TMPRSS15: variants seen among roughly 807,000 people sequenced by gnomAD.
The protein encoded by TMPRSS15 is enteropeptidase.
In TMPRSS15, 128 loss-of-function variants were observed where a neutral mutation model predicts 125.3. That is an observed-to-expected ratio of 1.02 (90% CI 0.89 to 1.18). TMPRSS15 has a LOEUF of 1.18. Ranked by LOEUF, TMPRSS15 falls within the 50% of genes most tolerant of loss-of-function variation. The pLI is 0.00. For missense variants in TMPRSS15, 1,283 were observed against 1,212.7 expected (o/e 1.06, Z -0.86); for synonymous variants, 446 against 423.2 (o/e 1.05, Z -0.66).
intron 3 of TMPRSS15, among the ~76,000 whole-genome samples, chr21:18,391,784 T>C (rs1365072623): frequency 6.6e-6 from 1 of 152,252 alleles, no homozygotes; most frequent in Non-Finnish European, 1.5e-5. Context: ...AAGTTCTCCA[T>C]GAGAGTTCTG....
At chr21:18,299,474 C>A (rs1209299034) in intron 18 of TMPRSS15, among the ~76,000 whole-genome samples, 1 of 152,170 alleles carries the variant, frequency 6.6e-6, no homozygotes, top group Non-Finnish European at 1.5e-5. Flanking sequence ...GATGCCATTT[C>A]AAATTAAAGA....
At position 18,297,834 on chromosome 21, in the gene TMPRSS15, A is replaced by C. The variant is rs1353843465; in HGVS notation, c.2166-5T>G. On this transcript the variant is annotated splice_polypyrimidine_tract_variant and splice_region_variant and intron_variant, in intron 18 of 24. Transcript: ENST00000284885. ...GGCTTTGATGAGTTTCCACTCCTAG[A>C]GAAAAAAGAAAAAAGCATACAGACA... 6.3e-7 allele frequency: 1 copy of C among 1,582,798 alleles called. No homozygotes were observed. The highest frequency in any genetic ancestry group is 8.7e-7 in the Non-Finnish European group (1 of 1,151,674).
In TMPRSS15 at chr21:18,432,709, C is replaced by T. The variant is rs904919572; in HGVS notation, c.11-34380G>A. ...TAGGGGCTTCAGAGAGACCACAGCCCGGCCCACGTAGATTTTGGATTTCCA... is the reference window on the plus strand; with the variant it reads ...TAGGGGCTTCAGAGAGACCACAGCCTGGCCCACGTAGATTTTGGATTTCCA... On this transcript the variant is annotated intron_variant, in intron 1 of 7. Coordinates refer to the TMPRSS15 transcript ENST00000422787. 8.5e-5 allele frequency among the ~76,000 whole-genome samples: 13 copies of T among 152,180 alleles called. No individual in the cohort carries two copies. The East Asian group carries it at 2.5e-3, about 29-fold the overall frequency.
At chr21:18,405,954 C>G (rs1007213290), upstream of TMPRSS15, among the ~76,000 whole-genome samples, 1 of 152,106 alleles carries the variant, frequency 6.6e-6, no homozygotes, top group African/African-American at 2.4e-5. Context: ...AAATAAAACC[C>G]TAAGCCACAG....
At chr21:18,286,797 C>T (rs1282039388) in intron 21 of TMPRSS15, among the ~76,000 whole-genome samples, 1 of 152,184 alleles carries the variant, frequency 6.6e-6, no homozygotes, top group East Asian at 1.9e-4. Context: ...GAGACCTCTC[C>T]AGGGCTCGAT....
intron 1 of TMPRSS15, among the ~76,000 whole-genome samples, chr21:18,431,470 CT>C (rs1008759260): frequency 7.2e-5 from 11 of 152,100 alleles, no homozygotes; most frequent in Non-Finnish European, 1.3e-4. Context: ...TCCCCTGTTT[CT>C]TTTCTTTCTT....
intron 4 of TMPRSS15, among the ~76,000 whole-genome samples, chr21:18,381,712 G>T (rs2075894290): frequency 6.6e-6 from 1 of 152,014 alleles, no homozygotes; most frequent in Non-Finnish European, 1.5e-5. Flanking sequence ...CCAAATATAG[G>T]AAATCGTGAA....
chr21:18,434,361 C>T (rs559906588), intron 1 of TMPRSS15, among the ~76,000 whole-genome samples: 26 of 152,074 alleles, frequency 1.7e-4, no homozygotes, highest in Admixed American at 3.3e-4. Context: ...TGTTACTGTT[C>T]AATTACATAT....
At chr21:18,284,225 C>T (rs1238559624) in intron 21 of TMPRSS15, among the ~76,000 whole-genome samples, 1 of 152,144 alleles carries the variant, frequency 6.6e-6, no homozygotes, top group Non-Finnish European at 1.5e-5. Flanking sequence ...TTAACTTCCC[C>T]ACCACAAAAC....
At chr21:18,459,637 C>T (rs1978514537) in intron 1 of TMPRSS15, among the ~76,000 whole-genome samples, 1 of 152,140 alleles carries the variant, frequency 6.6e-6, no homozygotes, top group African/African-American at 2.4e-5. Flanking sequence ...AATTAAAATG[C>T]TGCAAATGTG....
chr21:18,281,593 A>T (rs929845969), intron 21 of TMPRSS15, among the ~76,000 whole-genome samples: 1 of 152,154 alleles, frequency 6.6e-6, no homozygotes, highest in Non-Finnish European at 1.5e-5. Context: ...CAGACAATTT[A>T]AAAAATACTT....
intron 1 of TMPRSS15, among the ~76,000 whole-genome samples, chr21:18,457,085 C>A (rs1256878896): frequency 6.6e-6 from 1 of 152,040 alleles, no homozygotes; most frequent in Non-Finnish European, 1.5e-5. Context: ...AAGTACTTGA[C>A]CTATCTAAGC....
chr21:18,435,591 T>C (rs2123220337), intron 1 of TMPRSS15, among the ~76,000 whole-genome samples: 1 of 152,310 alleles, frequency 6.6e-6, no homozygotes, highest in East Asian at 1.9e-4. Context: ...TCTAAAATTC[T>C]CTTTTTTGGT....
At chr21:18,351,981 C>T (rs377061303) in intron 10 of TMPRSS15, among the ~76,000 whole-genome samples, 4 of 151,916 alleles carry the variant, frequency 2.6e-5, no homozygotes, top group East Asian at 3.9e-4. Context: ...TGGCTTTTAA[C>T]GTTTGTTTGA....
chr21:18,351,203 C>T (rs2075565139), intron 10 of TMPRSS15, among the ~76,000 whole-genome samples: 1 of 152,014 alleles, frequency 6.6e-6, no homozygotes, highest in South Asian at 2.1e-4. Flanking sequence ...TCATTAATAC[C>T]AAATTGCAAT....
chr21:18,382,103 G>A (rs1888409), intron 4 of TMPRSS15, among the ~76,000 whole-genome samples: 35,835 of 152,012 alleles, frequency 0.24, 4,675 homozygotes, highest in Middle Eastern at 0.3. Context: ...TAAGAGGGCA[G>A]ACATTAGGAT....
intron 1 of TMPRSS15, among the ~76,000 whole-genome samples, chr21:18,424,231 T>C (rs1601458259): frequency 6.6e-6 from 1 of 152,334 alleles, no homozygotes; most frequent in South Asian, 2.1e-4. Context: ...TCATCACCTC[T>C]GCTAACTTGA....
chr21:18,401,715 G>A (rs1327436417), intron 1 of TMPRSS15, among the ~76,000 whole-genome samples: 2 of 152,028 alleles, frequency 1.3e-5, no homozygotes, highest in Non-Finnish European at 2.9e-5. Context: ...CTGCACATGT[G>A]CCCCCTGAAT....
At chr21:18,291,191 G>A (rs2074829618) in intron 21 of TMPRSS15, among the ~76,000 whole-genome samples, 2 of 152,162 alleles carry the variant, frequency 1.3e-5, no homozygotes, top group Admixed American at 6.5e-5. Flanking sequence ...ATGAGGAAAC[G>A]GAAACTTAGA....
Sources: allele counts gnomAD v4.1 joint callset (sites outside exome capture counted in the v4.1 genomes callset), GRCh38; gene constraint gnomAD v4.1.1; transcripts MANE v1.5; gene names NCBI Gene and HGNC (gene_info 2026-07-23, HGNC 2026-07-21).